NT5M: variants seen among roughly 807,000 people sequenced by gnomAD.
NT5M encodes the protein 5',3'-nucleotidase, mitochondrial, also known as 5'(3')-deoxyribonucleotidase, mitochondrial.
NT5M carries 22 observed loss-of-function variants against 22.2 expected under a neutral mutation model. The ratio of observed to expected loss-of-function variants is 0.99; its 90% confidence interval spans 0.71 to 1.41. The LOEUF (loss-of-function observed/expected upper bound fraction) is 1.41, where lower values mean the gene tolerates loss of function less well. NT5M is among the 40% of genes most tolerant of loss of function. The probability of loss-of-function intolerance (pLI) is 0.00; values close to 1 mark genes in which losing one functional copy is unlikely to be tolerated. For missense variants in NT5M, 322 were observed against 314.8 expected, an observed-to-expected ratio of 1.02 and a Z score of -0.17; for synonymous variants, 167 against 133.0, an observed-to-expected ratio of 1.26 and a Z score of -1.76.
intron 2 of NT5M, among the ~76,000 whole-genome samples, chr17:17,308,891 G>A (rs866720006): frequency 2.0e-5 from 3 of 152,114 alleles, no homozygotes; most frequent in South Asian, 2.1e-4. Flanking sequence ...TTTAGCACAT[G>A]TTTTCAAGGT....
chr17:17,338,273 A>G (rs972900714), intron 3 of NT5M, among the ~76,000 whole-genome samples: 2 of 151,982 alleles, frequency 1.3e-5, no homozygotes, highest in South Asian at 2.1e-4. Context: ...GCTCACTGCA[A>G]TGTCCGTCTC....
In NT5M at chr17:17,334,783, T is replaced by C. The variant is rs546940403; in HGVS notation, c.430-10011T>C. On this transcript the variant is annotated intron_variant, in intron 3 of 4. Transcript: ENST00000389022. ...GCCACTGTGCCTGGCCACTGTAGTT[T>C]TATAGTAACTTTTGAAAGCAGTGTG... is the stretch of plus-strand genomic sequence containing the variant. 2.0e-5 allele frequency among the ~76,000 whole-genome samples: 3 copies of C among 152,308 alleles called. No individual in the cohort carries two copies. The East Asian group carries it at 5.8e-4, about 29-fold the overall frequency.
intron 2 of NT5M, among the ~76,000 whole-genome samples, chr17:17,314,040 C>CTTTTTTTTTT (rs71281038): frequency 7.0e-5 from 10 of 143,242 alleles, no homozygotes; most frequent in African/African-American, 2.1e-4. Context: ...TGAATATATT[C>CTTTTTTTTTT]TTTTTTTTTT....
At chr17:17,318,298 G>A (rs770689413) in intron 2 of NT5M, among the ~76,000 whole-genome samples, 7 of 151,632 alleles carry the variant, frequency 4.6e-5, no homozygotes, top group Admixed American at 2.6e-4. Flanking sequence ...GCCACACGGC[G>A]AAACCCCGTC....
chr17:17,312,334 G>A (rs966734699), intron 2 of NT5M, among the ~76,000 whole-genome samples: 1 of 152,130 alleles, frequency 6.6e-6, no homozygotes, highest in Non-Finnish European at 1.5e-5. Context: ...AGTAAGGGAT[G>A]CAGCTTTCTT....
In NT5M at chr17:17,344,921, C is replaced by G; in HGVS notation, c.544+13C>G. The G allele has an allele frequency of 1.2e-6, 2 of 1,613,958 alleles. No homozygotes were observed. Among genetic ancestry groups the G allele is most frequent in the Non-Finnish European group, 1.7e-6 (2 of 1,179,942 alleles). On this transcript the variant is annotated intron_variant, in intron 4 of 4. Coordinates refer to ENST00000389022, the MANE Select transcript of NT5M (RefSeq NM_020201.4). ...CCGGACATCACAGGCAAGTGGCCTGCGACAGGTGAGGAGCACGTGGGGAGG... is the reference window on the plus strand; with the variant it reads ...CCGGACATCACAGGCAAGTGGCCTGGGACAGGTGAGGAGCACGTGGGGAGG...
At chr17:17,344,947 G>T (rs745992295) in intron 4 of NT5M, 39 bp downstream of exon 4, 11 of 1,612,650 alleles carry the variant, frequency 6.8e-6, no homozygotes, top group Non-Finnish European at 8.5e-6. Flanking sequence ...CGTGGGGAGG[G>T]CCCCAGCCTT....
intron 2 of NT5M, among the ~76,000 whole-genome samples, chr17:17,311,026 C>G (rs931831109): frequency 2.0e-5 from 3 of 152,040 alleles, no homozygotes; most frequent in Non-Finnish European, 2.9e-5. Flanking sequence ...AGATTTGCCC[C>G]TGTGTTTTCT....
intron 3 of NT5M, 119 bp from the exon 4 acceptor site, chr17:17,344,675 T>C: frequency 7.9e-7 from 1 of 1,260,260 alleles, no homozygotes; most frequent in Non-Finnish European, 1.1e-6. Flanking sequence ...GTGTCAGGCC[T>C]CCATCCCTCC....
intron 2 of NT5M, among the ~76,000 whole-genome samples, chr17:17,321,529 T>C (rs1485763368): frequency 6.6e-6 from 1 of 151,302 alleles, no homozygotes; most frequent in Non-Finnish European, 1.5e-5. Flanking sequence ...GTTGAGGAAA[T>C]GGGGCGGGTG....
At chr17:17,336,237 C>T (rs185990532) in intron 3 of NT5M, among the ~76,000 whole-genome samples, 160 of 148,382 alleles carry the variant, frequency 1.1e-3, no homozygotes, top group African/African-American at 3.5e-3. Flanking sequence ...CTCCTGACCT[C>T]GTGATCCGCC....
At chr17:17,336,000 C>CTT (rs1167144502) in intron 3 of NT5M, among the ~76,000 whole-genome samples, 6,021 of 98,884 alleles carry the variant, frequency 0.061, 390 homozygotes, top group South Asian at 0.076. Context: ...CTTATTCATT[C>CTT]TTTTTTTTTT....
chr17:17,334,108 C>G (rs2049446854), intron 3 of NT5M, among the ~76,000 whole-genome samples: 2 of 152,070 alleles, frequency 1.3e-5, no homozygotes, highest in African/African-American at 4.8e-5. Flanking sequence ...GCTGGGATTA[C>G]AGGTGTGAGA....
intron 3 of NT5M, among the ~76,000 whole-genome samples, chr17:17,338,945 T>A (rs936503651): frequency 2.0e-5 from 3 of 152,002 alleles, no homozygotes; most frequent in African/African-American, 7.2e-5. Flanking sequence ...GCCAGGATGG[T>A]CTCGATTTCC....
At chr17:17,304,549 G>GT in intron 1 of NT5M, 3 of 566,442 alleles carry the variant, frequency 5.3e-6, no homozygotes, top group Non-Finnish European at 4.5e-6. Flanking sequence ...GAGGCTGAGT[G>GT]TTTTTTGGCA....
intron 2 of NT5M, among the ~76,000 whole-genome samples, chr17:17,312,179 C>A (rs779012617): frequency 1.2e-4 from 18 of 152,324 alleles, no homozygotes; most frequent in South Asian, 4.1e-4. Context: ...GCTGTTGCCG[C>A]TCTGTAAGAT....
chr17:17,337,006 A>T (rs1435986626), intron 3 of NT5M, among the ~76,000 whole-genome samples: 1 of 152,056 alleles, frequency 6.6e-6, no homozygotes, highest in Non-Finnish European at 1.5e-5. Flanking sequence ...TTTTAGGGGT[A>T]TATACCTAGG....
At chr17:17,330,312 A>G (rs12602003) in intron 3 of NT5M, among the ~76,000 whole-genome samples, 1 of 146,664 alleles carries the variant, frequency 6.8e-6, no homozygotes, top group African/African-American at 2.5e-5. Context: ...AAAAAAAAAC[A>G]AAAAAAAAAC....
At chr17:17,314,237 G>A (rs766101284) in intron 2 of NT5M, among the ~76,000 whole-genome samples, 11 of 152,052 alleles carry the variant, frequency 7.2e-5, no homozygotes, top group Admixed American at 2.0e-4. Flanking sequence ...GTTTCACCAC[G>A]TTGGTCAGGC....
Sources: allele counts gnomAD v4.1 joint callset (sites outside exome capture counted in the v4.1 genomes callset), GRCh38; gene constraint gnomAD v4.1.1; transcripts MANE v1.5; gene names NCBI Gene and HGNC (gene_info 2026-07-23, HGNC 2026-07-21).